Variants in PLEKHH2 observed in about 807,000 individuals in gnomAD.
PLEKHH2 encodes pleckstrin homology domain-containing family H member 2.
In PLEKHH2, 129 loss-of-function variants were observed where a neutral mutation model predicts 187.9. The observed-to-expected ratio is 0.69, with a 90% CI of 0.59 to 0.79. The LOEUF is 0.79. PLEKHH2 is among the 30% of genes least tolerant of loss of function. PLEKHH2 has a pLI of 0.00. For synonymous variants in PLEKHH2, 686 were observed against 605.6 expected (o/e 1.13, Z -1.95); for missense variants, 2,076 against 1,751.2 (o/e 1.19, Z -3.31).
chr2:43,656,171 G>A (rs1049108711), intron 2 of PLEKHH2, among the ~76,000 whole-genome samples: 2 of 152,018 alleles, frequency 1.3e-5, no homozygotes, highest in Non-Finnish European at 2.9e-5. Context: ...TGGCCAGGTT[G>A]GTCTCGAACT....
chr2:43,683,027 T>C (rs571286070), intron 3 of PLEKHH2, among the ~76,000 whole-genome samples: 43 of 152,274 alleles, frequency 2.8e-4, no homozygotes, highest in African/African-American at 9.6e-4. Context: ...GCCCTCGATG[T>C]CTCCTGTGCC....
rs375630037 is a variant in PLEKHH2, at chr2:43,675,931, T to A, written c.124-2932T>A. 3 of 1,613,930 alleles carry A rather than the reference T, an allele frequency of 1.9e-6. No individual in the cohort carries two copies. The East Asian group carries it at 6.7e-5, about 36-fold the overall frequency. On this transcript the variant is annotated intron_variant, in intron 2 of 29. Transcript: ENST00000282406. ...GAAGAACCAGTTGTAGTTGTCACCA[T>A]ACTTTTCAAAGACGTATTTGTAAGC...
chr2:43,762,317 C>G lies in PLEKHH2; in HGVS notation c.4085C>G (p.Ser1362Ter), dbSNP rs747371066. The G allele has an allele frequency of 3.1e-6, 5 of 1,611,368 alleles. No individual in the cohort carries two copies. In the African/African-American group the frequency reaches 5.3e-5, roughly 17 times the overall value. The change falls in exon 28 of 30, where the codon TCA becomes TGA. Residue 1362 changes from serine (S) to a stop codon, truncating the protein, a stop_gained. Coordinates refer to ENST00000282406, the MANE Select transcript of PLEKHH2 (RefSeq NM_172069.4). LOFTEE classifies it high-confidence loss of function. ...ACCTCTTCATAGCCCATAACTCCAT[C>G]ATCACTTGGAAGTACTTTCTTGTGG... ...KLFLAKPITP[S>*]SLGSTFLWLA... is the part of the protein sequence containing the mutation.
At chr2:43,745,458 G>C (rs1193137674) in intron 23 of PLEKHH2, among the ~76,000 whole-genome samples, 1 of 152,168 alleles carries the variant, frequency 6.6e-6, no homozygotes, top group African/African-American at 2.4e-5. Context: ...CCTGGGTCTA[G>C]ACTCTTTCCA....
chr2:43,718,981 A>T (rs1670344044), intron 15 of PLEKHH2, among the ~76,000 whole-genome samples: 1 of 152,210 alleles, frequency 6.6e-6, no homozygotes. Context: ...TTATGAGTTT[A>T]AAAGAAAATG....
chr2:43,666,784 G>A (rs191425200), intron 2 of PLEKHH2, among the ~76,000 whole-genome samples: 181 of 152,154 alleles, frequency 1.2e-3, no homozygotes, highest in Non-Finnish European at 2.1e-3. Context: ...AATCCTTTTA[G>A]CATTTTTAAA....
intron 3 of PLEKHH2, among the ~76,000 whole-genome samples, chr2:43,684,295 C>A (rs1668385234): frequency 6.6e-6 from 1 of 151,528 alleles, no homozygotes; most frequent in African/African-American, 2.4e-5. Context: ...TACCTCTGTA[C>A]CCTGGCTGTG....
Position 43,712,367 on chromosome 2 carries a change from A to G in PLEKHH2, c.2444A>G (p.Lys815Arg). The change falls in exon 15 of 30, where the codon AAG (lysine) becomes AGG (arginine). Residue 815 changes from lysine to arginine, a missense_variant. Lys to Arg is a conservative substitution (Grantham distance 26, BLOSUM62 2). Transcript: ENST00000282406. ...CAGCCTGAGGGCAAACCCACCATGA[A>G]GGGATTGCTCACTAAGGTAGGAACC... ...SLQPEGKPTM[K>R]GLLTKVKHGY... 1 of 1,614,114 alleles carries G rather than the reference A, an allele frequency of 6.2e-7. No homozygotes were observed. Among genetic ancestry groups the G allele is most frequent in the Non-Finnish European group, 8.5e-7 (1 of 1,180,016 alleles).
intron 3 of PLEKHH2, among the ~76,000 whole-genome samples, chr2:43,690,197 T>G (rs1277743775): frequency 1.3e-5 from 2 of 152,226 alleles, no homozygotes; most frequent in African/African-American, 2.4e-5. Context: ...GCTTGGGCAG[T>G]TTTGCATGAC....
At chr2:43,748,601 A>T (rs1329203025) in intron 24 of PLEKHH2, among the ~76,000 whole-genome samples, 1 of 152,206 alleles carries the variant, frequency 6.6e-6, no homozygotes, top group Non-Finnish European at 1.5e-5. Context: ...CCCTGTTTTG[A>T]CAGCTCTCCA....
chr2:43,647,550 T>C (rs965627561), intron 2 of PLEKHH2, among the ~76,000 whole-genome samples: 1 of 152,160 alleles, frequency 6.6e-6, no homozygotes, highest in Non-Finnish European at 1.5e-5. Flanking sequence ...TGGGGGCAGC[T>C]ACCTGTGTGT....
chr2:43,745,930 G>A lies in PLEKHH2; in HGVS notation c.3620G>A (p.Gly1207Asp), dbSNP rs760233714. The change falls in exon 24 of 30, where the codon GGT (glycine) becomes GAT (aspartate). Residue 1207 changes from glycine to aspartate, a missense_variant. Transcript: ENST00000282406. Reference protein sequence around the residue: ...SKEQQPGKCEGTRTVRLTYKN... With the variant: ...SKEQQPGKCEDTRTVRLTYKN... ...GAACAGCAGCCTGGAAAATGTGAAG[G>A]TACAAGGACTGTTCGTCTGACATAC... 6.2e-7 allele frequency: 1 copy of A among 1,612,196 alleles called. No individual in the cohort carries two copies. The highest frequency in any genetic ancestry group is 1.1e-5 in the South Asian group (1 of 90,624).
rs114488584 is a variant in PLEKHH2 at position 43,643,206 on chromosome 2, A to T, written c.-3-1465A>T. Among the ~76,000 whole-genome samples the T allele has an allele frequency of 2.0e-5, 3 of 152,248 alleles. No individual in the cohort carries two copies. In the East Asian group the frequency reaches 5.8e-4, roughly 29 times the overall value. On this transcript the variant is annotated intron_variant, in intron 1 of 29. Transcript: ENST00000282406. ...AATGGAAAAGGTTATTAACAAGGTT[A>T]ATCTCCTTAGGAAAAACCTCAGGAA... is the stretch of plus-strand genomic sequence containing the variant.
At chr2:43,765,289 G>A (rs1386320707) in intron 29 of PLEKHH2, 124 bp from the exon 30 acceptor site, 8 of 847,938 alleles carry the variant, frequency 9.4e-6, no homozygotes, top group African/African-American at 6.8e-5. Context: ...TTGATCTAGA[G>A]AGAAGGGAAT....
chr2:43,709,918 G>A (rs894429746), intron 11 of PLEKHH2, 72 bp from the exon 12 acceptor site: 1 of 1,371,342 alleles, frequency 7.3e-7, no homozygotes, highest in African/African-American at 1.5e-5. Flanking sequence ...CATTCTGTAG[G>A]AGCACTCAGA....
At chr2:43,741,217 T>TA in intron 21 of PLEKHH2, 174 bp downstream of exon 21, 1 of 492,060 alleles carries the variant, frequency 2.0e-6, no homozygotes, top group Non-Finnish European at 3.4e-6. Context: ...TTTCCTTTGT[T>TA]ATGTTAAATC....
At chr2:43,706,511 T>A in intron 10 of PLEKHH2, 95 bp downstream of exon 10, 1 of 867,216 alleles carries the variant, frequency 1.2e-6, no homozygotes, top group Non-Finnish European at 1.8e-6. Flanking sequence ...TCTTAACATT[T>A]TACACAGGCT....
At position 43,712,254 on chromosome 2, in the gene PLEKHH2, G is replaced by A. The variant is rs1328561994; in HGVS notation, c.2331G>A (p.Leu777=). The change falls in exon 15 of 30, where the codon CTG becomes CTA. Residue 777 remains leucine (L), a synonymous_variant. Coordinates refer to ENST00000282406, the MANE Select transcript of PLEKHH2 (RefSeq NM_172069.4). ...QLTTEKHTYY[L]TADSPNILEE... is the part of the protein sequence containing the mutation. ...CCACTGAAAAACACACATACTATCT[G>A]ACTGCAGATTCTCCCAATATATTGG... 2 of 1,613,506 alleles carry A rather than the reference G, an allele frequency of 1.2e-6. No homozygotes were observed. The highest frequency in any genetic ancestry group is 3.3e-5 in the Admixed American group (2 of 60,014).
At chr2:43,721,909 A>G (rs1296850753) in intron 16 of PLEKHH2, among the ~76,000 whole-genome samples, 1 of 151,978 alleles carries the variant, frequency 6.6e-6, no homozygotes, top group Non-Finnish European at 1.5e-5. Flanking sequence ...CAAACAAACA[A>G]TCTCTGAAGT....
Sources: allele counts gnomAD v4.1 joint callset (sites outside exome capture counted in the v4.1 genomes callset), GRCh38; gene constraint gnomAD v4.1.1; transcripts MANE v1.5; gene names NCBI Gene and HGNC (gene_info 2026-07-23, HGNC 2026-07-21).